Variants in DMD observed in about 807,000 individuals in gnomAD.
DMD encodes the protein dystrophin.
In DMD, 63 loss-of-function variants were observed where a neutral mutation model predicts 330.1. The ratio of observed to expected loss-of-function variants is 0.19; its 90% CI spans 0.16 to 0.24. DMD has a LOEUF of 0.24. DMD is among the 10% of genes least tolerant of loss of function. DMD has a pLI of 1.00. For missense variants in DMD, 3,344 were observed against 2,684.1 expected, an observed-to-expected ratio of 1.25 and a Z score of -5.43; for synonymous variants, 1,223 against 959.8, an observed-to-expected ratio of 1.27 and a Z score of -5.07.
In DMD at chrX:31,146,354, T is replaced by C; in HGVS notation, c.10858A>G (p.Arg3620Gly). Residue 3620 changes from arginine (R) to glycine (G), a missense_variant, in exon 76 of 79, where the codon AGG becomes GGG. Physicochemically the swap from Arg to Gly is moderately radical, Grantham distance 125. Transcript: ENST00000357033. ...TVSSPSTSLQRSDSSQPMLLR... is the reference protein window; with the variant it reads ...TVSSPSTSLQGSDSSQPMLLR... ...AGCATAGGCTGACTGCTGTCGGACC[T>C]CTGTAGAGAGGTAGAAGGAGAGGAC... 2.5e-6 allele frequency: 3 copies of C among 1,211,090 alleles called. No individual in the cohort carries two copies. Among genetic ancestry groups the C allele is most frequent in the Non-Finnish European group, 3.4e-6 (3 of 894,913 alleles).
chrX:33,321,143 GA>G (rs2054009091), intron 1 of DMD, among the ~76,000 whole-genome samples: 3 of 111,349 alleles, frequency 2.7e-5, no homozygotes, highest in Admixed American at 1.9e-4. Context: ...CTCCTCCGAT[GA>G]ATCATGAATG....
At chrX:32,147,627 G>T (rs1481159511) in intron 44 of DMD, among the ~76,000 whole-genome samples, 5 of 111,087 alleles carry the variant, frequency 4.5e-5, no homozygotes, top group African/African-American at 1.6e-4. Flanking sequence ...TAACATAAAA[G>T]AAGTAGTGAA....
At chrX:33,171,497 T>C (rs1251887571) in intron 1 of DMD, among the ~76,000 whole-genome samples, 1 of 111,495 alleles carries the variant, frequency 9.0e-6, no homozygotes, top group Non-Finnish European at 1.9e-5. Context: ...TACAGTTTTT[T>C]CCACCTTTGG....
chrX:32,287,836 A>C, intron 42 of DMD, 135 bp from the exon 43 acceptor site: 1 of 446,181 alleles, frequency 2.2e-6, no homozygotes, highest in Non-Finnish European at 3.5e-6. Context: ...TTTAAAGTTA[A>C]TAACCATGAA....
chrX:33,106,307 A>C (rs4829279), intron 1 of DMD, among the ~76,000 whole-genome samples: 1 of 109,656 alleles, frequency 9.1e-6, no homozygotes, highest in Non-Finnish European at 1.9e-5. Flanking sequence ...ATGAGGGATA[A>C]AAAACTACAT....
At chrX:32,631,633 A>C (rs951321821) in intron 11 of DMD, among the ~76,000 whole-genome samples, 21 of 111,611 alleles carry the variant, frequency 1.9e-4, no homozygotes, top group African/African-American at 6.9e-4. Context: ...GAGATTTACA[A>C]TCATGGCAAA....
chrX:32,714,912 A>G (rs1001941711), intron 7 of DMD, among the ~76,000 whole-genome samples: 9 of 111,594 alleles, frequency 8.1e-5, no homozygotes, highest in African/African-American at 2.9e-4. Context: ...GAAAGAAATT[A>G]ACATATCCAT....
Position 32,363,074 on chromosome X carries a change from G to C in DMD, c.5155-116C>G, listed in dbSNP as rs1453246736. On this transcript the variant is annotated intron_variant, in intron 36 of 78. Coordinates refer to ENST00000357033, the MANE Select transcript of DMD (RefSeq NM_004006.3). ...GTGAGCGAGAAGAGTGAGAAAGAGA[G>C]AGAGAGAAAGTAAGAAAATGAGAGC... 7 of 709,930 alleles carry C rather than the reference G, an allele frequency of 9.9e-6. No individual in the cohort carries two copies. The East Asian group carries it at 1.8e-4, about 18-fold the overall frequency. The allele number at this position is 709,930 out of a possible 1,213,427, so 58.5% of individuals were successfully genotyped here.
intron 61 of DMD, among the ~76,000 whole-genome samples, chrX:31,343,471 T>A (rs1459774576): frequency 9.0e-6 from 1 of 111,455 alleles, no homozygotes; most frequent in African/African-American, 3.3e-5. Flanking sequence ...ATGTAGAGAT[T>A]GGGCCACCAG....
chrX:32,172,567 C>A (rs1374316845), intron 44 of DMD, among the ~76,000 whole-genome samples: 1 of 111,376 alleles, frequency 9.0e-6, no homozygotes, highest in African/African-American at 3.3e-5. Flanking sequence ...AAGCCTTTCT[C>A]AAGTCCCACA....
At chrX:31,833,453 T>G (rs1026102187) in intron 49 of DMD, among the ~76,000 whole-genome samples, 7 of 110,271 alleles carry the variant, frequency 6.3e-5, no homozygotes, top group Non-Finnish European at 1.1e-4. Context: ...ATCCTAAGAT[T>G]TTTCCAGTTA....
chrX:31,204,141 C>A, intron 66 of DMD, 23 bp from the exon 67 acceptor site: 1 of 1,203,439 alleles, frequency 8.3e-7, no homozygotes, highest in South Asian at 1.8e-5. Context: ...AAGAAAATTG[C>A]AACAGTCAAA....
chrX:33,035,852 T>A (rs2094195390), intron 1 of DMD, among the ~76,000 whole-genome samples: 1 of 111,758 alleles, frequency 8.9e-6, no homozygotes, highest in African/African-American at 3.2e-5. Flanking sequence ...TGTCTGAGAA[T>A]AAACTCTCAG....
chrX:33,123,524 C>A (rs2095438062), intron 1 of DMD, among the ~76,000 whole-genome samples: 1 of 110,551 alleles, frequency 9.0e-6, no homozygotes, highest in African/African-American at 3.3e-5. Flanking sequence ...TCAAGCAATT[C>A]TCCTGCCTCA....
rs149460005 is a variant in DMD, at chrX:32,901,647, C to T, written c.94-51827G>A. On this transcript the variant is annotated intron_variant, in intron 2 of 78. Transcript: ENST00000357033. ...TGTTTCAAAACCTAGTTTTATGCAACATGTGCCCTTTTTAAAATTTTTCAT... is the reference window on the plus strand; with the variant it reads ...TGTTTCAAAACCTAGTTTTATGCAATATGTGCCCTTTTTAAAATTTTTCAT... Among the ~76,000 whole-genome samples, 119 of 111,075 alleles carry T rather than the reference C, an allele frequency of 1.1e-3. No homozygotes were observed. In the East Asian group the frequency reaches 0.023, roughly 21 times the overall value.
At chrX:33,268,600 C>A (rs1300760250) in intron 1 of DMD, among the ~76,000 whole-genome samples, 5 of 111,603 alleles carry the variant, frequency 4.5e-5, no homozygotes, top group African/African-American at 6.5e-5. Flanking sequence ...CAATGAGATA[C>A]CATCTCACAC....
intron 2 of DMD, among the ~76,000 whole-genome samples, chrX:32,989,469 C>A: frequency 9.0e-6 from 1 of 111,645 alleles, no homozygotes; most frequent in Middle Eastern, 4.7e-3. Flanking sequence ...AAAATGTCAT[C>A]GTTAGTGTTG....
intron 7 of DMD, among the ~76,000 whole-genome samples, chrX:32,790,012 T>C (rs151039591): frequency 0.01 from 1,133 of 111,985 alleles, 13 homozygotes; most frequent in African/African-American, 0.033. Context: ...AATAATTTAA[T>C]AGTTGTAACA....
intron 74 of DMD, among the ~76,000 whole-genome samples, chrX:31,162,289 A>G (rs1383329911): frequency 9.9e-6 from 1 of 101,028 alleles, no homozygotes; most frequent in Non-Finnish European, 2.0e-5. Context: ...ACCATAATCA[A>G]TTCTACTGTA....
Sources: allele counts gnomAD v4.1 joint callset (sites outside exome capture counted in the v4.1 genomes callset), GRCh38; gene constraint gnomAD v4.1.1; transcripts MANE v1.5; gene names NCBI Gene and HGNC (gene_info 2026-07-23, HGNC 2026-07-21).